FER: variants seen among roughly 807,000 people sequenced by gnomAD.
FER encodes FER tyrosine kinase.
Under a neutral mutation model 111.0 loss-of-function variants are expected in FER, and 63 were observed. The observed-to-expected ratio is 0.57, with a 90% CI of 0.46 to 0.70. FER has a LOEUF of 0.70. Among genes scored for constraint, FER ranks in the 30% least tolerant of loss-of-function variants. The pLI, the probability that FER is intolerant of heterozygous loss-of-function variation, is 0.00. For synonymous variants in FER, 327 were observed against 313.9 expected (o/e 1.04, Z -0.44); for missense variants, 914 against 954.0 (o/e 0.96, Z 0.55).
chr5:109,159,517 T>C (rs1468678828), intron 17 of FER, among the ~76,000 whole-genome samples: 4 of 152,150 alleles, frequency 2.6e-5, no homozygotes, highest in African/African-American at 9.7e-5. Flanking sequence ...CTTAAAACCT[T>C]ATTAGAGAGA....
intron 13 of FER, among the ~76,000 whole-genome samples, chr5:108,988,881 T>C (rs1486819527): frequency 6.6e-6 from 1 of 152,130 alleles, no homozygotes; most frequent in Non-Finnish European, 1.5e-5. Flanking sequence ...TGACCTTAGA[T>C]TGTCTATTTG....
At chr5:109,063,404 T>G (rs929753504) in intron 16 of FER, among the ~76,000 whole-genome samples, 4 of 152,180 alleles carry the variant, frequency 2.6e-5, no homozygotes, top group African/African-American at 4.8e-5. Context: ...AATCCCAGCA[T>G]TTGGAGTCTA....
chr5:108,783,365 A>C (rs1286533308), intron 2 of FER, among the ~76,000 whole-genome samples: 1 of 152,190 alleles, frequency 6.6e-6, no homozygotes, highest in Non-Finnish European at 1.5e-5. Context: ...TTTTAAGAGA[A>C]TTTACAATTG....
chr5:108,843,394 TTA>T (rs1761477983), intron 5 of FER, among the ~76,000 whole-genome samples: 1 of 152,184 alleles, frequency 6.6e-6, no homozygotes, highest in Admixed American at 6.5e-5. Flanking sequence ...CATTTTATAT[TTA>T]TATATGAGTA....
At chr5:108,779,169 C>A (rs1260347464) in intron 2 of FER, among the ~76,000 whole-genome samples, 4 of 152,086 alleles carry the variant, frequency 2.6e-5, no homozygotes, top group African/African-American at 9.7e-5. Flanking sequence ...GTCTATTTGT[C>A]TGTTCTTTTG....
chr5:109,061,735 G>A (rs984647897), intron 16 of FER, among the ~76,000 whole-genome samples: 1 of 151,924 alleles, frequency 6.6e-6, no homozygotes, highest in Non-Finnish European at 1.5e-5. Context: ...TTCTCTACTG[G>A]GAATAAAGCT....
At chr5:108,820,339 A>C in intron 3 of FER, 1 of 985,396 alleles carries the variant, frequency 1.0e-6, no homozygotes, top group Non-Finnish European at 1.2e-6. Context: ...TCAATGCTTA[A>C]TTTTTGGTAG....
chr5:109,085,784 A>G (rs1475601659), intron 16 of FER, among the ~76,000 whole-genome samples: 1 of 151,634 alleles, frequency 6.6e-6, no homozygotes, highest in Non-Finnish European at 1.5e-5. Flanking sequence ...AATTTGTTTA[A>G]TGCTTTCCTG....
intron 5 of FER, among the ~76,000 whole-genome samples, chr5:108,849,594 A>C (rs1348541019): frequency 1.3e-5 from 2 of 152,128 alleles, no homozygotes; most frequent in Non-Finnish European, 2.9e-5. Context: ...GAACATACTG[A>C]ATACCACTAT....
chr5:109,185,843 C>A (rs1758797581), intron 18 of FER, among the ~76,000 whole-genome samples: 2 of 152,326 alleles, frequency 1.3e-5, no homozygotes, highest in African/African-American at 4.8e-5. Flanking sequence ...TACGCAGTTT[C>A]ATCATTCCAT....
intron 13 of FER, among the ~76,000 whole-genome samples, chr5:108,965,946 A>G (rs1021174529): frequency 6.6e-6 from 1 of 152,178 alleles, no homozygotes; most frequent in African/African-American, 2.4e-5. Flanking sequence ...CTACTTAATA[A>G]TATAAAAGAA....
chr5:108,990,848 AAT>A (rs1447094598), intron 13 of FER, among the ~76,000 whole-genome samples: 8 of 151,756 alleles, frequency 5.3e-5, no homozygotes, highest in Non-Finnish European at 7.4e-5. Flanking sequence ...ACAGAAATGA[AAT>A]ATGTTTCTAG....
chr5:108,867,256 AAG>A (rs1214371193), intron 5 of FER, among the ~76,000 whole-genome samples: 3 of 152,160 alleles, frequency 2.0e-5, no homozygotes, highest in African/African-American at 7.2e-5. Context: ...GAAGGGAAAA[AAG>A]GAAGGTGAGA....
At chr5:108,788,286 G>C (rs1754971567) in intron 2 of FER, among the ~76,000 whole-genome samples, 1 of 152,180 alleles carries the variant, frequency 6.6e-6, no homozygotes, top group Non-Finnish European at 1.5e-5. Flanking sequence ...GCAGCAGCTG[G>C]TGTGCCTGGC....
chr5:108,964,060 T>C (rs570621696), intron 13 of FER, among the ~76,000 whole-genome samples: 2 of 152,202 alleles, frequency 1.3e-5, no homozygotes, highest in Non-Finnish European at 2.9e-5. Context: ...TTAAGAGCTA[T>C]TGTGTAATTT....
intron 3 of FER, among the ~76,000 whole-genome samples, chr5:108,821,202 G>A (rs915948841): frequency 1.3e-5 from 2 of 152,136 alleles, no homozygotes; most frequent in Non-Finnish European, 2.9e-5. Flanking sequence ...GACATTGAAG[G>A]TCATACTTAA....
chr5:109,139,529 A>C (rs1477956806), intron 17 of FER, among the ~76,000 whole-genome samples: 1 of 151,954 alleles, frequency 6.6e-6, no homozygotes, highest in African/African-American at 2.4e-5. Flanking sequence ...AAAAAATGCT[A>C]AAAGAGAGCA....
chr5:108,931,215 G>A (rs1238931245), intron 10 of FER, among the ~76,000 whole-genome samples: 3 of 152,208 alleles, frequency 2.0e-5, no homozygotes, highest in Middle Eastern at 3.4e-3. Context: ...AAGCAGGTTA[G>A]TATTCTCTTT....
At chr5:108,970,285 G>T (rs1294210406) in intron 13 of FER, among the ~76,000 whole-genome samples, 1 of 151,662 alleles carries the variant, frequency 6.6e-6, no homozygotes, top group Non-Finnish European at 1.5e-5. Flanking sequence ...GCGCAATCTT[G>T]GCTCACTGCA....
Sources: allele counts gnomAD v4.1 joint callset (sites outside exome capture counted in the v4.1 genomes callset), GRCh38; gene constraint gnomAD v4.1.1; transcripts MANE v1.5; gene names NCBI Gene and HGNC (gene_info 2026-07-23, HGNC 2026-07-21).